Variants in SLC33A1 observed in about 807,000 individuals in gnomAD.
The protein encoded by SLC33A1 is acetyl-coenzyme A transporter 1.
In SLC33A1, 20 loss-of-function variants were observed where a neutral mutation model predicts 50.0. The observed-to-expected ratio is 0.40, with a 90% CI of 0.28 to 0.58. The LOEUF is 0.58. Among genes scored for constraint, SLC33A1 ranks in the 20% least tolerant of loss-of-function variants. The pLI, the probability that SLC33A1 is intolerant of heterozygous loss-of-function variation, is 0.44. For synonymous variants in SLC33A1, 265 were observed against 251.8 expected (o/e 1.05, Z -0.50); for missense variants, 476 against 657.0 (o/e 0.72, Z 3.01).
At chr3:155,830,337 C>T (rs1194787946) in intron 4 of SLC33A1, among the ~76,000 whole-genome samples, 4 of 151,642 alleles carry the variant, frequency 2.6e-5, no homozygotes, top group Admixed American at 2.6e-4. Flanking sequence ...CGCACCACTG[C>T]ACTCCAGCCT....
At chr3:155,829,234 T>C (rs888161721) in intron 5 of SLC33A1, among the ~76,000 whole-genome samples, 3 of 152,108 alleles carry the variant, frequency 2.0e-5, no homozygotes, top group Non-Finnish European at 4.4e-5. Flanking sequence ...AGCTTTCACA[T>C]TCGGAAATGT....
chr3:155,829,214 T>A (rs1405795887), intron 5 of SLC33A1, among the ~76,000 whole-genome samples: 2 of 152,162 alleles, frequency 1.3e-5, no homozygotes, highest in Non-Finnish European at 2.9e-5. Flanking sequence ...ATTATCTATT[T>A]TCACGATGCA....
intron 1 of SLC33A1, chr3:155,842,896 C>T (rs1319878115): frequency 1.5e-5 from 3 of 203,800 alleles, no homozygotes; most frequent in Non-Finnish European, 2.9e-5. Context: ...TAGTCCCAGC[C>T]ACCTGGGAGG....
Position 155,853,509 on chromosome 3 carries a change from G to A in SLC33A1, c.489C>T (p.Asp163=), listed in dbSNP as rs1401922558. Reference sequence around the variant, plus strand: ...TGTCATCGGTATTCCCAAGCAAACGGTCCACCTGAGTGGATAAATAGATCA... The same window carrying A: ...TGTCATCGGTATTCCCAAGCAAACGATCCACCTGAGTGGATAAATAGATCA... The part of the protein sequence containing the change: ...LFMIYLSTQV[D]RLLGNTDDRT... The change falls in exon 1 of 6, where the codon GAC becomes GAT. Residue 163 remains aspartate, a synonymous_variant. Transcript: ENST00000643144. 3.1e-6 allele frequency: 5 copies of A among 1,613,978 alleles called. No homozygotes were observed. Among genetic ancestry groups the A allele is most frequent in the Non-Finnish European group, 4.2e-6 (5 of 1,180,014 alleles).
intron 1 of SLC33A1, among the ~76,000 whole-genome samples, chr3:155,849,426 T>G (rs1358023021): frequency 6.6e-6 from 1 of 152,080 alleles, no homozygotes; most frequent in African/African-American, 2.4e-5. Flanking sequence ...GTTATAAATG[T>G]GGTATGTTCA....
chr3:155,840,777 G>A (rs1752903064), intron 2 of SLC33A1, among the ~76,000 whole-genome samples: 1 of 152,014 alleles, frequency 6.6e-6, no homozygotes, highest in African/African-American at 2.4e-5. Context: ...TAGGGCCATT[G>A]CACTCCAGCC....
intron 2 of SLC33A1, among the ~76,000 whole-genome samples, chr3:155,836,687 A>C (rs1752695178): frequency 6.6e-6 from 1 of 152,160 alleles, no homozygotes; most frequent in Non-Finnish European, 1.5e-5. Context: ...GCTTCAGCCC[A>C]GAAGCTCAAG....
chr3:155,830,339 C>T (rs1485866403), intron 4 of SLC33A1, among the ~76,000 whole-genome samples: 1 of 151,714 alleles, frequency 6.6e-6, no homozygotes, highest in Non-Finnish European at 1.5e-5. Flanking sequence ...CACCACTGCA[C>T]TCCAGCCTGG....
rs532476372 is a variant in SLC33A1, at chr3:155,826,824, G to C, written c.*1386C>G. Reference sequence around the variant, plus strand: ...AACCCCACTCTAAAATTCAACCTATGTTATAAAATTAACAAAATCAGGAGT... The same window carrying C: ...AACCCCACTCTAAAATTCAACCTATCTTATAAAATTAACAAAATCAGGAGT... On this transcript the variant is annotated 3_prime_UTR_variant, in exon 6 of 6. Transcript: ENST00000643144. 14 of 152,104 alleles carry C rather than the reference G, an allele frequency of 9.2e-5. No homozygotes were observed. The highest frequency in any genetic ancestry group is 1.8e-4 in the Non-Finnish European group (12 of 67,980). The allele number at this position is 152,104 out of a possible 1,614,324, so 9.4% of individuals were successfully genotyped here. A position where few individuals can be genotyped will look rare whatever the true frequency, so the allele number is the denominator to read the frequency against.
rs545329585 is a variant in SLC33A1 at position 155,848,388 on chromosome 3, G to A, written c.775+4835C>T. Reference sequence around the variant, plus strand: ...TCTAGTTTCTCTTGAATATGCCTAAGATCTAGCAATCTTGCCGGGCATGGT... The same window carrying A: ...TCTAGTTTCTCTTGAATATGCCTAAAATCTAGCAATCTTGCCGGGCATGGT... On this transcript the variant is annotated intron_variant, in intron 1 of 5. Coordinates refer to ENST00000643144, the MANE Select transcript of SLC33A1 (RefSeq NM_004733.4). Among the ~76,000 whole-genome samples, 4 of 152,260 alleles carry A rather than the reference G, an allele frequency of 2.6e-5. No homozygotes were observed. The East Asian group carries it at 7.7e-4, about 29-fold the overall frequency.
Position 155,853,899 on chromosome 3 carries a change from G to A in SLC33A1, c.99C>T (p.Gly33=), listed in dbSNP as rs773220261. 6 of 1,546,892 alleles carry A rather than the reference G, an allele frequency of 3.9e-6. No individual in the cohort carries two copies. The highest frequency in any genetic ancestry group is 1.4e-5 in the African/African-American group (1 of 72,410). ...AGTCCAAATGACTGTCATCCCAACC[G>A]CCTGGCGGCAGGGGACCGCTCTTCA... ...LDMKSGPLPP[G]GWDDSHLDSA... is the part of the protein sequence containing the mutation. The change falls in exon 1 of 6, where the codon GGC becomes GGT. Residue 33 remains glycine (G), a synonymous_variant. Coordinates refer to ENST00000643144, the MANE Select transcript of SLC33A1 (RefSeq NM_004733.4).
In SLC33A1 at chr3:155,822,156, T is replaced by TC; in HGVS notation, c.*6053dup. 1 of 152,208 alleles carries TC rather than the reference T, an allele frequency of 6.6e-6. No individual in the cohort carries two copies. Among genetic ancestry groups the TC allele is most frequent in the East Asian group, 1.9e-4 (1 of 5,200 alleles). The allele number at this position is 152,208 out of a possible 1,614,324, so 9.4% of individuals were successfully genotyped here. ...TATAGGGGCAGGTGATAAAAAAATTTCAATTTCACTAACTCTGACTACAAA... is the reference window on the plus strand; with the variant it reads ...TATAGGGGCAGGTGATAAAAAAATTTCCAATTTCACTAACTCTGACTACAAA... On this transcript the variant is annotated 3_prime_UTR_variant, in exon 6 of 6. Transcript: ENST00000643144.
intron 1 of SLC33A1, among the ~76,000 whole-genome samples, chr3:155,844,439 ATATATATATATATATATATTTTTTTT>A (rs1753053417): frequency 7.0e-4 from 4 of 5,742 alleles, no homozygotes; most frequent in African/African-American, 1.9e-3. Flanking sequence ...ATATATATAT[ATATATATATATATATATATTTTTTTT>A]TTTTTTTTTT....
chr3:155,854,016 C>A lies in SLC33A1; in HGVS notation c.-19G>T, dbSNP rs566560748. 1.4e-5 allele frequency: 21 copies of A among 1,532,124 alleles called. No homozygotes were observed. The highest frequency in any genetic ancestry group is 3.8e-4 in the Middle Eastern group (2 of 5,330). The allele number at this position is 1,532,124 out of a possible 1,614,324, so 94.9% of individuals were successfully genotyped here. A position where few individuals can be genotyped will look rare whatever the true frequency, so the allele number is the denominator to read the frequency against. On this transcript the variant is annotated 5_prime_UTR_variant, in exon 1 of 6. Coordinates refer to ENST00000643144, the MANE Select transcript of SLC33A1 (RefSeq NM_004733.4). ...GTGACATATCAGAGACGATGCAGAG[C>A]CCCGTCTGTGGGGGGCCGAGGCTGA...
intron 4 of SLC33A1, among the ~76,000 whole-genome samples, chr3:155,831,702 T>C (rs899695667): frequency 2.6e-5 from 4 of 152,118 alleles, no homozygotes; most frequent in African/African-American, 4.8e-5. Flanking sequence ...TACTGAAGCA[T>C]TGACTAGTTA....
At position 155,828,902 on chromosome 3, in the gene SLC33A1, T is replaced by G. The variant is rs959247149; in HGVS notation, c.1483-525A>C. Among the ~76,000 whole-genome samples, 3 of 151,192 alleles carry G rather than the reference T, an allele frequency of 2.0e-5. No homozygotes were observed. In the South Asian group the frequency reaches 6.3e-4, roughly 32 times the overall value. On this transcript the variant is annotated intron_variant, in intron 5 of 5. Coordinates refer to ENST00000643144, the MANE Select transcript of SLC33A1 (RefSeq NM_004733.4). ...ACCATACCCAGCCGAATATGTTTTT[T>G]TTTTTTTTTTTTTTTTAAGAGACGG...
intron 2 of SLC33A1, among the ~76,000 whole-genome samples, chr3:155,841,443 C>A (rs1362255549): frequency 6.6e-6 from 1 of 152,010 alleles, no homozygotes; most frequent in East Asian, 1.9e-4. Context: ...AAGATAGGTG[C>A]AAAGTGTTTA....
In SLC33A1 at chr3:155,833,542, G is replaced by A; in HGVS notation, c.1192C>T (p.Pro398Ser). The A allele has an allele frequency of 1.2e-6, 2 of 1,604,184 alleles. No individual in the cohort carries two copies. Among genetic ancestry groups the A allele is most frequent in the Non-Finnish European group, 1.7e-6 (2 of 1,171,308 alleles). ...AATCCCCCTTGATGTTCTACTTTAG[G>A]AGTCCACCAAACCAGTAGGGCATAT... ...LEYALLVWWT[P>S]KVEHQGGFPI... Residue 398 changes from proline to serine, a missense_variant, in exon 4 of 6, where the codon CCT (proline) becomes TCT (serine). Physicochemically the swap from Pro to Ser is moderately conservative, Grantham distance 74 (BLOSUM62 -1). Coordinates refer to ENST00000643144, the MANE Select transcript of SLC33A1 (RefSeq NM_004733.4).
chr3:155,839,593 G>A (rs1752844545), intron 2 of SLC33A1, among the ~76,000 whole-genome samples: 1 of 152,040 alleles, frequency 6.6e-6, no homozygotes, highest in Admixed American at 6.6e-5. Flanking sequence ...CTATAGAAAT[G>A]TTTGGTATAA....
Sources: gnomAD v4.1 joint callset for allele counts (sites outside exome capture counted in the v4.1 genomes callset) on GRCh38, gnomAD v4.1.1 for gene constraint, MANE v1.5 for transcripts, NCBI Gene and HGNC (gene_info 2026-07-23, HGNC 2026-07-21) for gene names.